The following PCP4 variants were observed in gnomAD, a reference collection of about 807,000 sequenced individuals.
PCP4 encodes the protein calmodulin regulator protein PCP4.
In PCP4, 8 loss-of-function variants were observed where a neutral mutation model predicts 10.0. That is an observed-to-expected ratio of 0.80 (90% CI 0.47 to 1.45). The LOEUF is 1.45. Among genes scored for constraint, PCP4 ranks in the 40% most tolerant of loss-of-function variants. The probability of loss-of-function intolerance (pLI) is 0.00; values close to 1 mark genes in which losing one functional copy is unlikely to be tolerated. For missense variants in PCP4, 54 were observed against 74.4 expected, an observed-to-expected ratio of 0.73 and a Z score of 1.01; for synonymous variants, 21 against 23.0, an observed-to-expected ratio of 0.91 and a Z score of 0.24.
chr21:39,901,149 T>C (rs1016772439), intron 2 of PCP4, among the ~76,000 whole-genome samples: 3 of 151,774 alleles, frequency 2.0e-5, no homozygotes, highest in Non-Finnish European at 2.9e-5. Flanking sequence ...GTGTAGCCTA[T>C]GGAAAATTCC....
chr21:39,870,511 G>A (rs968307508), intron 1 of PCP4, among the ~76,000 whole-genome samples: 11 of 152,222 alleles, frequency 7.2e-5, no homozygotes, highest in African/African-American at 2.6e-4. Context: ...ACTCACCCAG[G>A]CACAAGAAAA....
chr21:39,924,839 G>A (rs2087612957), intron 2 of PCP4, among the ~76,000 whole-genome samples: 1 of 152,208 alleles, frequency 6.6e-6, no homozygotes, highest in Non-Finnish European at 1.5e-5. Context: ...CTGGCCCCGG[G>A]TTTTGTTTAT....
rs2087510823 is a variant in PCP4 at position 39,906,509 on chromosome 21, C to T, written c.61+7982C>T. 6.6e-6 allele frequency among the ~76,000 whole-genome samples: 1 copy of T among 151,936 alleles called. No homozygotes were observed. The highest frequency in any genetic ancestry group is 1.9e-4 in the East Asian group (1 of 5,178). ...TTATAGCCTCTTCATATTTCACCTG[C>T]CCTCTTCCTCACCCTTTCTCTTTCT... On this transcript the variant is annotated intron_variant, in intron 2 of 2. Transcript: ENST00000328619. This position sits in a 1 kb window ranked among gnomAD's most constrained non-coding sequence, Gnocchi z 6.3.
At chr21:39,911,420 C>T (rs530753727) in intron 2 of PCP4, among the ~76,000 whole-genome samples, 3 of 152,266 alleles carry the variant, frequency 2.0e-5, no homozygotes, top group South Asian at 2.1e-4. Context: ...TGACTGGCCT[C>T]GAGGTGAGCA....
intron 1 of PCP4, among the ~76,000 whole-genome samples, chr21:39,876,893 G>A (rs1464753197): frequency 6.6e-6 from 1 of 152,130 alleles, no homozygotes; most frequent in East Asian, 1.9e-4. Context: ...TTGAGTTGAT[G>A]TCAGCCTGCT....
At chr21:39,903,728 C>A (rs1006977195) in intron 2 of PCP4, among the ~76,000 whole-genome samples, 1 of 151,548 alleles carries the variant, frequency 6.6e-6, no homozygotes, top group Admixed American at 6.6e-5. Context: ...ATTATCCGGG[C>A]GCGGTGGCGG....
At chr21:39,920,095 G>A (rs765699811) in intron 2 of PCP4, among the ~76,000 whole-genome samples, 23 of 145,802 alleles carry the variant, frequency 1.6e-4, no homozygotes, top group Admixed American at 6.1e-4. Flanking sequence ...TGTGATGTGT[G>A]TGTGTGTTTG....
intron 2 of PCP4, among the ~76,000 whole-genome samples, chr21:39,918,766 A>C (rs2087581012): frequency 6.6e-6 from 1 of 152,192 alleles, no homozygotes; most frequent in South Asian, 2.1e-4. Flanking sequence ...GCCAGCAGGC[A>C]GGAACGAGAA....
At chr21:39,892,845 C>T (rs527588941) in intron 1 of PCP4, among the ~76,000 whole-genome samples, 37 of 152,248 alleles carry the variant, frequency 2.4e-4, no homozygotes, top group African/African-American at 8.7e-4. Context: ...CCCACCTCCC[C>T]TATTCAGCCG....
At chr21:39,910,738 G>C (rs758619505) in intron 2 of PCP4, among the ~76,000 whole-genome samples, 1 of 152,224 alleles carries the variant, frequency 6.6e-6, no homozygotes, top group Non-Finnish European at 1.5e-5. Context: ...CAGGAGCTGG[G>C]CATTTTTGCT....
intron 2 of PCP4, among the ~76,000 whole-genome samples, chr21:39,912,265 A>G (rs2087543814): frequency 6.6e-6 from 1 of 151,790 alleles, no homozygotes; most frequent in Non-Finnish European, 1.5e-5. Context: ...TCTGCTGATA[A>G]TTAGAATGTG....
At chr21:39,873,621 C>T in intron 1 of PCP4, among the ~76,000 whole-genome samples, 1 of 152,122 alleles carries the variant, frequency 6.6e-6, no homozygotes, top group East Asian at 1.9e-4. Flanking sequence ...GAACTATTTA[C>T]CATTCTTCTT....
In PCP4 at chr21:39,872,242, G is replaced by A. The variant is rs1347557629; in HGVS notation, c.9+4732G>A. Among the ~76,000 whole-genome samples the A allele has an allele frequency of 1.2e-4, 18 of 152,228 alleles. 1 individual carries two copies. Among genetic ancestry groups the A allele is most frequent in the African/African-American group, 3.4e-4 (14 of 41,546 alleles). ...TCGAACTCCTGACCTCAGGTGATCCGCCCGCCTTGGCCTCCCAAAGTGCTG... is the reference window on the plus strand; with the variant it reads ...TCGAACTCCTGACCTCAGGTGATCCACCCGCCTTGGCCTCCCAAAGTGCTG... On this transcript the variant is annotated intron_variant, in intron 1 of 2. Coordinates refer to ENST00000328619, the MANE Select transcript of PCP4 (RefSeq NM_006198.3).
intron 1 of PCP4, among the ~76,000 whole-genome samples, chr21:39,891,606 C>T (rs1004029769): frequency 6.6e-6 from 1 of 152,222 alleles, no homozygotes; most frequent in African/African-American, 2.4e-5. Context: ...GGGACCACTA[C>T]CATCAAGGCG....
At chr21:39,876,476 G>A (rs904004466) in intron 1 of PCP4, among the ~76,000 whole-genome samples, 7 of 152,110 alleles carry the variant, frequency 4.6e-5, no homozygotes, top group Non-Finnish European at 1.0e-4. Flanking sequence ...TACCTACTGT[G>A]GGAAGATTAG....
intron 2 of PCP4, among the ~76,000 whole-genome samples, chr21:39,905,883 C>A (rs559458412): frequency 6.6e-6 from 1 of 152,204 alleles, no homozygotes; most frequent in South Asian, 2.1e-4. Context: ...CCTGTCTCTA[C>A]TAAAAATACA....
chr21:39,885,266 AG>A (rs1326436102), intron 1 of PCP4, among the ~76,000 whole-genome samples: 1 of 152,176 alleles, frequency 6.6e-6, no homozygotes, highest in Non-Finnish European at 1.5e-5. Flanking sequence ...CTCCTGCTCC[AG>A]GGGGCTATTC....
At chr21:39,900,634 C>T (rs1437266234) in intron 2 of PCP4, among the ~76,000 whole-genome samples, 3 of 152,054 alleles carry the variant, frequency 2.0e-5, no homozygotes, top group African/African-American at 7.2e-5. Context: ...GCAACTTCTA[C>T]TTGGCAATCT....
intron 2 of PCP4, among the ~76,000 whole-genome samples, chr21:39,928,272 T>C (rs1458339799): frequency 6.6e-6 from 1 of 152,182 alleles, no homozygotes; most frequent in South Asian, 2.1e-4. Context: ...TGTTTTTCCG[T>C]CTTGGCTGCA....
Sources: allele counts gnomAD v4.1 joint callset (sites outside exome capture counted in the v4.1 genomes callset), GRCh38; gene constraint gnomAD v4.1.1; non-coding constraint Gnocchi (gnomAD v3.1); transcripts MANE v1.5; gene names NCBI Gene and HGNC (gene_info 2026-07-23, HGNC 2026-07-21).